The following FRAS1 variants were observed in gnomAD, a reference collection of about 807,000 sequenced individuals.
The protein encoded by FRAS1 is extracellular matrix organizing protein FRAS1.
FRAS1 carries 290 observed loss-of-function variants against 435.2 expected under a neutral mutation model. The ratio of observed to expected loss-of-function variants is 0.67; its 90% CI spans 0.61 to 0.73. The LOEUF (loss-of-function observed/expected upper bound fraction) is 0.73. Among genes scored for constraint, FRAS1 ranks in the 30% least tolerant of loss-of-function variants. The pLI is 0.00. For missense variants in FRAS1, 4,860 were observed against 5,001.5 expected (o/e 0.97, Z 0.85); for synonymous variants, 1,800 against 1,851.0 (o/e 0.97, Z 0.71).
chr4:78,116,784 C>T (rs1743219975), intron 2 of FRAS1, among the ~76,000 whole-genome samples: 1 of 152,208 alleles, frequency 6.6e-6, no homozygotes, highest in South Asian at 2.1e-4. Flanking sequence ...CTCTTTATCC[C>T]ATTTACCAGT....
At chr4:78,074,851 A>G (rs1740554645) in intron 2 of FRAS1, among the ~76,000 whole-genome samples, 1 of 152,218 alleles carries the variant, frequency 6.6e-6, no homozygotes, top group Non-Finnish European at 1.5e-5. Flanking sequence ...TTTATCTTTT[A>G]ACCGATAAGC....
intron 38 of FRAS1, among the ~76,000 whole-genome samples, chr4:78,436,003 G>T (rs1304215795): frequency 6.6e-6 from 1 of 151,932 alleles, no homozygotes; most frequent in East Asian, 1.9e-4. Context: ...GAAACAAAAA[G>T]GTCTAACTAT....
rs574951755 is a variant in FRAS1, at chr4:78,093,668, A to G, written c.108+27652A>G. ...TTATAAGGAACCATCTGCTGTAAGT[A>G]GAGGTACTTATTAACTTTTCTAGCA... On this transcript the variant is annotated intron_variant, in intron 2 of 73. Coordinates refer to ENST00000512123, the MANE Select transcript of FRAS1 (RefSeq NM_025074.7). Among the ~76,000 whole-genome samples, 3 of 152,350 alleles carry G rather than the reference A, an allele frequency of 2.0e-5. No homozygotes were observed. In the East Asian group the frequency reaches 5.8e-4, roughly 29 times the overall value.
chr4:78,209,500 C>T (rs1348109295), intron 2 of FRAS1, among the ~76,000 whole-genome samples: 1 of 152,156 alleles, frequency 6.6e-6, no homozygotes, highest in African/African-American at 2.4e-5. Context: ...GGTTCTGGAA[C>T]TGTTCTCCTT....
intron 70 of FRAS1, among the ~76,000 whole-genome samples, chr4:78,532,796 T>C (rs1365675294): frequency 6.6e-6 from 1 of 152,218 alleles, no homozygotes; most frequent in Non-Finnish European, 1.5e-5. Context: ...ATCCATGTGG[T>C]CACGAATGGC....
At chr4:78,156,414 A>G (rs762419513) in intron 2 of FRAS1, among the ~76,000 whole-genome samples, 29 of 151,040 alleles carry the variant, frequency 1.9e-4, no homozygotes, top group Non-Finnish European at 4.0e-4. Flanking sequence ...TTTGCTTTCC[A>G]GATCTTTGGC....
intron 34 of FRAS1, among the ~76,000 whole-genome samples, chr4:78,422,404 A>G (rs1467524509): frequency 1.3e-5 from 2 of 152,102 alleles, no homozygotes; most frequent in Non-Finnish European, 2.9e-5. Context: ...GAAGAGGGAG[A>G]AAGATTAGCG....
At chr4:78,243,690 A>T (rs1035467881) in intron 3 of FRAS1, among the ~76,000 whole-genome samples, 1 of 151,896 alleles carries the variant, frequency 6.6e-6, no homozygotes, top group African/African-American at 2.4e-5. Context: ...AAACACATAC[A>T]CATATATACA....
chr4:78,275,915 A>C (rs545544624), intron 9 of FRAS1, among the ~76,000 whole-genome samples: 7 of 152,316 alleles, frequency 4.6e-5, no homozygotes, highest in African/African-American at 1.7e-4. Context: ...AGTGTTTTCC[A>C]AGTTGGTTCC....
chr4:78,234,103 C>T lies in FRAS1; in HGVS notation c.109-3407C>T, dbSNP rs537034857. Reference sequence around the variant, plus strand: ...AATAGTAGCTGCTGGCTTTGTGAAGCAGTCATTTTTATTTAATCTGTATCC... The same window carrying T: ...AATAGTAGCTGCTGGCTTTGTGAAGTAGTCATTTTTATTTAATCTGTATCC... On this transcript the variant is annotated intron_variant, in intron 2 of 73. Transcript: ENST00000512123. 3.3e-5 allele frequency among the ~76,000 whole-genome samples: 5 copies of T among 152,328 alleles called. No homozygotes were observed. In the East Asian group the frequency reaches 9.6e-4, roughly 29 times the overall value.
intron 58 of FRAS1, 90 bp from the exon 59 acceptor site, chr4:78,488,785 A>G (rs1720250420): frequency 2.4e-6 from 3 of 1,252,266 alleles, no homozygotes; most frequent in Non-Finnish European, 3.3e-6. Flanking sequence ...CTCACCTGCC[A>G]AAATAGCTGC....
At position 78,452,270 on chromosome 4, in the gene FRAS1, G is replaced by C; in HGVS notation, c.6679G>C (p.Asp2227His). The C allele has an allele frequency of 6.2e-7, 1 of 1,613,798 alleles. No homozygotes were observed. Among genetic ancestry groups the C allele is most frequent in the Non-Finnish European group, 8.5e-7 (1 of 1,179,764 alleles). Residue 2227 changes from aspartate (D) to histidine (H), a missense_variant, in exon 47 of 74, where the codon GAC becomes CAC. Asp to His is a moderately conservative substitution (Grantham distance 81, BLOSUM62 -1). Coordinates refer to ENST00000512123, the MANE Select transcript of FRAS1 (RefSeq NM_025074.7). Reference sequence around the variant, plus strand: ...CACCACCCTGCAGCTGTCTGCCACTGACCAGGACAGTGGGCCTACAGAATT... The same window carrying C: ...CACCACCCTGCAGCTGTCTGCCACTCACCAGGACAGTGGGCCTACAGAATT... Reference protein sequence around the residue: ...KITTLQLSATDQDSGPTELIY... With the variant: ...KITTLQLSATHQDSGPTELIY...
At chr4:78,154,381 G>T (rs754170485) in intron 2 of FRAS1, among the ~76,000 whole-genome samples, 1 of 152,096 alleles carries the variant, frequency 6.6e-6, no homozygotes, top group Admixed American at 6.6e-5. Context: ...ACTTGCTCAG[G>T]ATAACCTTGG....
rs1343490702 is a variant in FRAS1, at chr4:78,479,524, T to C, written c.8249T>C (p.Met2750Thr). ...GTGATATTCGGGCCTGGTGTGACCATGTCCACCTGTGATGTCATGCTTATT... is the reference window on the plus strand; with the variant it reads ...GTGATATTCGGGCCTGGTGTGACCACGTCCACCTGTGATGTCATGCTTATT... Reference protein sequence around the residue: ...SRVIFGPGVTMSTCDVMLIDD... With the variant: ...SRVIFGPGVTTSTCDVMLIDD... Residue 2750 changes from methionine to threonine, a missense_variant, in exon 56 of 74, where the codon ATG (methionine) becomes ACG (threonine). Physicochemically the swap from Met to Thr is moderately conservative, Grantham distance 81. Transcript: ENST00000512123. 6.2e-7 allele frequency: 1 copy of C among 1,613,812 alleles called. No homozygotes were observed. Among genetic ancestry groups the C allele is most frequent in the African/African-American group, 1.3e-5 (1 of 74,946 alleles).
At chr4:78,447,520 G>T (rs2867070) in intron 43 of FRAS1, among the ~76,000 whole-genome samples, 114,264 of 151,752 alleles carry the variant, frequency 0.75, 43,512 homozygotes, top group African/African-American at 0.84. Context: ...TATTTTAGCT[G>T]GCTTCCATTC....
chr4:78,069,100 T>C (rs1166075120), intron 2 of FRAS1, among the ~76,000 whole-genome samples: 1 of 152,244 alleles, frequency 6.6e-6, no homozygotes, highest in Non-Finnish European at 1.5e-5. Context: ...GCTCTGAGAA[T>C]AGTGATTGGT....
intron 71 of FRAS1, among the ~76,000 whole-genome samples, chr4:78,535,432 G>T (rs1721850316): frequency 6.6e-6 from 1 of 152,116 alleles, no homozygotes; most frequent in African/African-American, 2.4e-5. Flanking sequence ...TCTCCAAGCA[G>T]CATGTCTTTC....
At chr4:78,189,919 C>G (rs1722457333) in intron 2 of FRAS1, among the ~76,000 whole-genome samples, 1 of 118,750 alleles carries the variant, frequency 8.4e-6, no homozygotes, top group African/African-American at 3.4e-5. Context: ...CATATAAATT[C>G]TACTTCCTAA....
intron 45 of FRAS1, 57 bp downstream of exon 45, chr4:78,450,396 A>C: frequency 2.2e-6 from 3 of 1,380,588 alleles, no homozygotes; most frequent in Non-Finnish European, 3.1e-6. Flanking sequence ...ACACTAGTAA[A>C]ATGAGAATTA....
Sources: allele counts gnomAD v4.1 joint callset (sites outside exome capture counted in the v4.1 genomes callset), GRCh38; gene constraint gnomAD v4.1.1; transcripts MANE v1.5; gene names NCBI Gene and HGNC (gene_info 2026-07-23, HGNC 2026-07-21).